CDH4: variants seen among roughly 807,000 people sequenced by gnomAD.
CDH4 encodes the protein cadherin-4.
CDH4 carries 33 observed loss-of-function variants against 86.0 expected under a neutral mutation model. That is an observed-to-expected ratio of 0.38 (90% confidence interval 0.29 to 0.51). CDH4 has a LOEUF of 0.51. Ranked by LOEUF, CDH4 falls within the 20% of genes least tolerant of loss-of-function variation. The probability of loss-of-function intolerance (pLI) is 0.86; values close to 1 mark genes in which losing one functional copy is unlikely to be tolerated. For missense variants in CDH4, 1,114 were observed against 1,307.4 expected (o/e 0.85, Z 2.28); for synonymous variants, 555 against 549.4 (o/e 1.01, Z -0.14).
chr20:61,569,194 T>C (rs773210664), intron 2 of CDH4, among the ~76,000 whole-genome samples: 7 of 152,134 alleles, frequency 4.6e-5, no homozygotes, highest in Non-Finnish European at 8.8e-5. Context: ...ATTGCTCGCC[T>C]TCTGGGGTGG....
At chr20:61,470,679 A>G (rs1433385320) in intron 2 of CDH4, among the ~76,000 whole-genome samples, 1 of 152,114 alleles carries the variant, frequency 6.6e-6, no homozygotes, top group Non-Finnish European at 1.5e-5. Context: ...AGTCTGTCAT[A>G]TATGGCTTTT....
At chr20:61,624,624 G>A (rs748326724) in intron 2 of CDH4, among the ~76,000 whole-genome samples, 14 of 152,220 alleles carry the variant, frequency 9.2e-5, no homozygotes, top group Non-Finnish European at 1.8e-4. Flanking sequence ...TCAGCTTGAT[G>A]ACAGGGACAA....
chr20:61,859,543 A>G (rs961432346), intron 6 of CDH4, among the ~76,000 whole-genome samples: 10 of 152,200 alleles, frequency 6.6e-5, no homozygotes, highest in African/African-American at 2.4e-4. Context: ...CGTTAGGTCC[A>G]TGATTCATTT....
chr20:61,556,885 G>T (rs918898988), intron 2 of CDH4, among the ~76,000 whole-genome samples: 1 of 152,134 alleles, frequency 6.6e-6, no homozygotes, highest in East Asian at 1.9e-4. Context: ...CCGAGAACAC[G>T]TGAGGCGCCG....
chr20:61,773,631 C>T (rs2088805685), intron 4 of CDH4, among the ~76,000 whole-genome samples: 1 of 152,204 alleles, frequency 6.6e-6, no homozygotes. Flanking sequence ...GCTCCCAAGG[C>T]CACCCGAGAT....
chr20:61,522,057 G>A (rs151114884), intron 2 of CDH4, among the ~76,000 whole-genome samples: 21 of 152,328 alleles, frequency 1.4e-4, no homozygotes, highest in Admixed American at 2.6e-4. Context: ...GCTGTGTCCC[G>A]TCTGTGGGAG....
At chr20:61,384,406 T>A (rs571237557) in intron 2 of CDH4, among the ~76,000 whole-genome samples, 1 of 152,282 alleles carries the variant, frequency 6.6e-6, no homozygotes, top group African/African-American at 2.4e-5. Context: ...TCTGGCCTCT[T>A]ACTCAGGCCC....
chr20:61,352,536 C>A (rs1003498776), intron 2 of CDH4, among the ~76,000 whole-genome samples: 1 of 152,240 alleles, frequency 6.6e-6, no homozygotes, highest in Non-Finnish European at 1.5e-5. Flanking sequence ...GCAGCCTCTC[C>A]GGTGCGCGGG....
chr20:61,861,342 G>C (rs540050845), intron 6 of CDH4, among the ~76,000 whole-genome samples: 2 of 152,276 alleles, frequency 1.3e-5, no homozygotes, highest in African/African-American at 4.8e-5. Flanking sequence ...ATACAAATCA[G>C]CTCACTAAAT....
intron 4 of CDH4, among the ~76,000 whole-genome samples, chr20:61,818,403 G>T (rs1980845798): frequency 6.6e-6 from 1 of 152,192 alleles, no homozygotes; most frequent in Non-Finnish European, 1.5e-5. Context: ...TTGGCTGGGT[G>T]TGGTGGCCCA....
chr20:61,835,771 G>C (rs968611224), intron 4 of CDH4, among the ~76,000 whole-genome samples: 2 of 152,206 alleles, frequency 1.3e-5, no homozygotes, highest in African/African-American at 4.8e-5. Flanking sequence ...AAGACACAGG[G>C]ATCCAGAGGT....
intron 2 of CDH4, among the ~76,000 whole-genome samples, chr20:61,511,576 C>T (rs1463859586): frequency 1.3e-5 from 2 of 152,244 alleles, no homozygotes; most frequent in African/African-American, 4.8e-5. Flanking sequence ...CCAACACTCA[C>T]TTAAGTCTAC....
At chr20:61,904,694 C>T (rs1399046841) in intron 8 of CDH4, among the ~76,000 whole-genome samples, 1 of 152,234 alleles carries the variant, frequency 6.6e-6, no homozygotes, top group Admixed American at 6.5e-5. Context: ...GAGGGGACCA[C>T]CCTGCTGTGG....
At chr20:61,331,648 G>C (rs1568801185) in intron 2 of CDH4, among the ~76,000 whole-genome samples, 10 of 11,488 alleles carry the variant, frequency 8.7e-4, no homozygotes, top group South Asian at 3.6e-3. Context: ...CCCACCTCCC[G>C]CCCCAGCCAC....
chr20:61,652,939 T>TTTTTTTA (rs2087139326), intron 2 of CDH4, among the ~76,000 whole-genome samples: 1 of 103,706 alleles, frequency 9.6e-6, no homozygotes, highest in African/African-American at 3.2e-5. Flanking sequence ...TATTTATTTA[T>TTTTTTTA]TTTTTTTTTT....
At chr20:61,281,115 G>T (rs6071563) in intron 2 of CDH4, among the ~76,000 whole-genome samples, 1 of 152,004 alleles carries the variant, frequency 6.6e-6, no homozygotes, top group African/African-American at 2.4e-5. Flanking sequence ...ACTGGAATTC[G>T]GGACAGCCCA....
chr20:61,899,121 C>T (rs1008660920), intron 8 of CDH4, among the ~76,000 whole-genome samples: 1 of 151,876 alleles, frequency 6.6e-6, no homozygotes, highest in Non-Finnish European at 1.5e-5. Context: ...ATGTGAAACC[C>T]CATCTCTACT....
Position 61,377,441 on chromosome 20 carries a change from T to G in CDH4, c.169+122504T>G, listed in dbSNP as rs2084878525. ...CCATTTCCTTCATCCTCTCTCCACC[T>G]CCCTGGTGCCTTTCCTGAGTGTAAA... On this transcript the variant is annotated intron_variant, in intron 2 of 15. Transcript: ENST00000614565. The surrounding 1 kb of genome is among the most constrained non-coding windows in gnomAD (Gnocchi z 4.0). Among the ~76,000 whole-genome samples, 1 of 152,052 alleles carries G rather than the reference T, an allele frequency of 6.6e-6. No individual in the cohort carries two copies. Among genetic ancestry groups the G allele is most frequent in the South Asian group, 2.1e-4 (1 of 4,808 alleles).
chr20:61,565,981 G>C (rs1009556095), intron 2 of CDH4, among the ~76,000 whole-genome samples: 1 of 152,124 alleles, frequency 6.6e-6, no homozygotes, highest in Admixed American at 6.5e-5. Flanking sequence ...CCCTCGTCTT[G>C]TCCCCGTTGC....
Sources: allele counts gnomAD v4.1 joint callset (sites outside exome capture counted in the v4.1 genomes callset), GRCh38; gene constraint gnomAD v4.1.1; non-coding constraint Gnocchi (gnomAD v3.1); transcripts MANE v1.5; gene names NCBI Gene and HGNC (gene_info 2026-07-23, HGNC 2026-07-21).